Variants in ZNF76 observed in about 807,000 individuals in gnomAD.
The protein encoded by ZNF76 is zinc finger protein 76.
In ZNF76, 66 loss-of-function variants were observed where a neutral mutation model predicts 66.9. The observed-to-expected ratio is 0.99, with a 90% confidence interval of 0.81 to 1.21. ZNF76 has a LOEUF of 1.21. Among genes scored for constraint, ZNF76 ranks in the 50% most tolerant of loss-of-function variants. The pLI is 0.00. For synonymous variants in ZNF76, 275 were observed against 296.1 expected, an observed-to-expected ratio of 0.93 and a Z score of 0.73; for missense variants, 729 against 760.3, an observed-to-expected ratio of 0.96 and a Z score of 0.48.
intron 1 of ZNF76, among the ~76,000 whole-genome samples, chr6:35,278,400 G>A (rs1410328400): frequency 3.3e-5 from 5 of 152,280 alleles, no homozygotes; most frequent in Non-Finnish European, 1.5e-5. Flanking sequence ...ACTCCTGGAT[G>A]GTCTATAATT....
At chr6:35,266,159 AT>A (rs35775558) in intron 1 of ZNF76, among the ~76,000 whole-genome samples, 179 of 148,268 alleles carry the variant, frequency 1.2e-3, no homozygotes, top group East Asian at 7.9e-3. Flanking sequence ...GGTGGCTACA[AT>A]TTTTTTTTTT....
chr6:35,266,837 G>A (rs1359881671), intron 1 of ZNF76, among the ~76,000 whole-genome samples: 4 of 107,236 alleles, frequency 3.7e-5, no homozygotes, highest in Admixed American at 1.5e-4. Flanking sequence ...AGTCTCGCTC[G>A]TCACCCAGGC....
chr6:35,282,915 T>C (rs192640669), intron 2 of ZNF76, among the ~76,000 whole-genome samples: 3 of 152,216 alleles, frequency 2.0e-5, no homozygotes, highest in African/African-American at 7.2e-5. Flanking sequence ...CTTCATCTTC[T>C]TGAGAACGCA....
intron 1 of ZNF76, among the ~76,000 whole-genome samples, chr6:35,264,619 A>C (rs1785731070): frequency 6.6e-6 from 1 of 152,220 alleles, no homozygotes; most frequent in African/African-American, 2.4e-5. Context: ...TAGGTGAACA[A>C]GTGCAAATTT....
chr6:35,292,414 T>C lies in ZNF76; in HGVS notation c.932-140T>C, dbSNP rs1233527928. Reference sequence around the variant, plus strand: ...TTCCACTGGCCATCTTCCCCAACCCTGTCCATTCAGAGTCTCAGGTCTCAG... The same window carrying C: ...TTCCACTGGCCATCTTCCCCAACCCCGTCCATTCAGAGTCTCAGGTCTCAG... On this transcript the variant is annotated intron_variant, in intron 9 of 13. Coordinates refer to ENST00000373953, the MANE Select transcript of ZNF76 (RefSeq NM_003427.5). This position sits in a 1 kb window ranked among gnomAD's most constrained non-coding sequence, Gnocchi z 4.7. 3.7e-6 allele frequency: 3 copies of C among 811,882 alleles called. No individual in the cohort carries two copies. Among genetic ancestry groups the C allele is most frequent in the African/African-American group, 3.4e-5 (2 of 59,266 alleles). 50.3% of individuals were successfully genotyped at this position (811,882 alleles called of 1,614,324 possible).
intron 1 of ZNF76, among the ~76,000 whole-genome samples, chr6:35,269,415 C>T (rs192712251): frequency 1.4e-4 from 21 of 152,158 alleles, no homozygotes; most frequent in Non-Finnish European, 7.4e-5. Context: ...ACCTGGAAGC[C>T]AGAGTGCCTC....
chr6:35,265,691 A>G (rs1785939962), intron 1 of ZNF76, among the ~76,000 whole-genome samples: 1 of 152,160 alleles, frequency 6.6e-6, no homozygotes, highest in African/African-American at 2.4e-5. Flanking sequence ...GAAGAACAGC[A>G]AACACAAAGG....
chr6:35,278,544 A>G (rs1411818608), intron 1 of ZNF76, among the ~76,000 whole-genome samples: 1 of 152,254 alleles, frequency 6.6e-6, no homozygotes, highest in Non-Finnish European at 1.5e-5. Context: ...ATGTACAAAT[A>G]TCTGTCTCTC....
At chr6:35,275,969 G>A (rs918674940) in intron 1 of ZNF76, among the ~76,000 whole-genome samples, 6 of 152,196 alleles carry the variant, frequency 3.9e-5, no homozygotes, top group African/African-American at 1.2e-4. Context: ...GCCAGATATT[G>A]AGAAGTATGG....
intron 1 of ZNF76, among the ~76,000 whole-genome samples, chr6:35,262,749 G>A (rs1012108684): frequency 3.3e-5 from 5 of 152,090 alleles, no homozygotes; most frequent in African/African-American, 1.2e-4. Flanking sequence ...GATGTGACTA[G>A]CTTCAATGGA....
chr6:35,284,098 C>CT (rs879797471), intron 2 of ZNF76, among the ~76,000 whole-genome samples: 52 of 147,184 alleles, frequency 3.5e-4, no homozygotes, highest in South Asian at 8.5e-4. Flanking sequence ...TTTTTTCTTC[C>CT]TTTTTTTTTT....
In ZNF76 at chr6:35,292,710, A is replaced by G. The variant is rs771912734; in HGVS notation, c.1088A>G (p.His363Arg). The G allele has an allele frequency of 1.2e-6, 2 of 1,614,166 alleles. No homozygotes were observed. Among genetic ancestry groups the G allele is most frequent in the South Asian group, 2.2e-5 (2 of 91,084 alleles). ...CGGCAGACCTCCACCTTGGCCATGC[A>G]CAAGCGCAGTGCCCACGGCGAGCTG... ...TYRQTSTLAM[H>R]KRSAHGELEA... Residue 363 changes from histidine to arginine, a missense_variant, in exon 10 of 14, where the codon CAC becomes CGC. Transcript: ENST00000373953. This position sits in a 1 kb window ranked among gnomAD's most constrained non-coding sequence, Gnocchi z 4.7.
At chr6:35,280,524 C>T (rs960636156) in intron 1 of ZNF76, among the ~76,000 whole-genome samples, 7 of 134,048 alleles carry the variant, frequency 5.2e-5, no homozygotes, top group South Asian at 6.3e-4. Context: ...GATCCCCCCC[C>T]CCCCCGCCCT....
intron 1 of ZNF76, among the ~76,000 whole-genome samples, chr6:35,268,493 A>AAAAC (rs1030103469): frequency 9.3e-4 from 141 of 152,168 alleles, no homozygotes; most frequent in African/African-American, 3.1e-3. Flanking sequence ...GAAAAAAGAA[A>AAAAC]AAACAAACAA....
Position 35,292,299 on chromosome 6 carries a change from C to A in ZNF76, c.932-255C>A, listed in dbSNP as rs1237693916. ...ATAAGCCCCAGTGCCCCCTACCAGC[C>A]CCTTCACTAGCCCCAGCCTTGCCCT... On this transcript the variant is annotated intron_variant, in intron 9 of 13. Coordinates refer to ENST00000373953, the MANE Select transcript of ZNF76 (RefSeq NM_003427.5). The surrounding 1 kb of genome is among the most constrained non-coding windows in gnomAD (Gnocchi z 4.7). 2 of 554,072 alleles carry A rather than the reference C, an allele frequency of 3.6e-6. No homozygotes were observed. The highest frequency in any genetic ancestry group is 6.5e-6 in the Non-Finnish European group (2 of 306,528). 34.3% of individuals were successfully genotyped at this position (554,072 alleles called of 1,614,324 possible). A position where few individuals can be genotyped will look rare whatever the true frequency, so the allele number is the denominator to read the frequency against.
At position 35,292,257 on chromosome 6, in the gene ZNF76, C is replaced by G. The variant is rs1790502446; in HGVS notation, c.932-297C>G. 1 of 496,588 alleles carries G rather than the reference C, an allele frequency of 2.0e-6. No individual in the cohort carries two copies. The highest frequency in any genetic ancestry group is 1.9e-5 in the African/African-American group (1 of 51,738). 30.8% of individuals were successfully genotyped at this position (496,588 alleles called of 1,614,324 possible). A position where few individuals can be genotyped will look rare whatever the true frequency, so the allele number is the denominator to read the frequency against. ...GCCTCTGCTGTTCACCATTCTCAAC[C>G]TCCCACCCTCAACCTTATAAGCCCC... On this transcript the variant is annotated intron_variant, in intron 9 of 13. Coordinates refer to ENST00000373953, the MANE Select transcript of ZNF76 (RefSeq NM_003427.5). The surrounding 1 kb of genome is among the most constrained non-coding windows in gnomAD (Gnocchi z 4.7).
intron 1 of ZNF76, among the ~76,000 whole-genome samples, chr6:35,274,027 G>A (rs1787532581): frequency 6.6e-6 from 1 of 152,150 alleles, no homozygotes; most frequent in African/African-American, 2.4e-5. Context: ...TCTGCGTGTA[G>A]TGAAGTATTT....
intron 1 of ZNF76, among the ~76,000 whole-genome samples, chr6:35,271,194 T>C (rs1787002502): frequency 6.6e-6 from 1 of 152,204 alleles, no homozygotes; most frequent in South Asian, 2.1e-4. Context: ...TTTTCACGCA[T>C]GTCCATCTAC....
Position 35,290,284 on chromosome 6 carries a change from A to T in ZNF76, c.451A>T (p.Ile151Phe). 1 of 1,614,172 alleles carries T rather than the reference A, an allele frequency of 6.2e-7. No individual in the cohort carries two copies. Reference protein sequence around the residue: ...YASKVLHDSQIPRNGKGQQVG... With the variant: ...YASKVLHDSQFPRNGKGQQVG... ...CCCCCAGGTTCTTCATGACAGCCAGATTCCCCGTAATGGAAAAGGGCAGCA... is the reference window on the plus strand; with the variant it reads ...CCCCCAGGTTCTTCATGACAGCCAGTTTCCCCGTAATGGAAAAGGGCAGCA... Residue 151 changes from isoleucine (I) to phenylalanine (F), a missense_variant, in exon 6 of 14, where the codon ATT (isoleucine) becomes TTT (phenylalanine). Coordinates refer to ENST00000373953, the MANE Select transcript of ZNF76 (RefSeq NM_003427.5).
Sources: gnomAD v4.1 joint callset for allele counts (sites outside exome capture counted in the v4.1 genomes callset) on GRCh38, gnomAD v4.1.1 for gene constraint, Gnocchi (gnomAD v3.1) non-coding constraint, MANE v1.5 for transcripts, NCBI Gene and HGNC (gene_info 2026-07-23, HGNC 2026-07-21) for gene names.